Variants in ATP2B3 observed in about 807,000 individuals in gnomAD.
ATP2B3 encodes plasma membrane calcium-transporting ATPase 3.
A neutral mutation model predicts 70.8 loss-of-function variants in ATP2B3; 12 were observed. The observed-to-expected ratio is 0.17, with a 90% CI of 0.11 to 0.27. The LOEUF (loss-of-function observed/expected upper bound fraction) is 0.27, where lower values mean the gene tolerates loss of function less well. ATP2B3 is among the 10% of genes least tolerant of loss of function. The pLI, the probability that ATP2B3 is intolerant of heterozygous loss-of-function variation, is 1.00. For synonymous variants in ATP2B3, 460 were observed against 497.8 expected, an observed-to-expected ratio of 0.92 and a Z score of 1.01; for missense variants, 858 against 1,118.5, an observed-to-expected ratio of 0.77 and a Z score of 3.32.
chrX:153,550,346 G>C (rs1436198798), intron 12 of ATP2B3, 60 bp downstream of exon 12: 2 of 1,193,790 alleles, frequency 1.7e-6, no homozygotes, highest in African/African-American at 3.5e-5. Flanking sequence ...TATTGTCGTG[G>C]TAAAAGAGGC....
chrX:153,562,017 G>A (rs2090632982), intron 19 of ATP2B3, 118 bp from the exon 20 acceptor site: 4 of 629,013 alleles, frequency 6.4e-6, no homozygotes, highest in South Asian at 4.5e-5. Flanking sequence ...CTCTCGCAAG[G>A]AGCAGCCCGT....
chrX:153,571,209 C>A (rs1207863163), intron 21 of ATP2B3, among the ~76,000 whole-genome samples: 2 of 112,573 alleles, frequency 1.8e-5, no homozygotes, highest in Admixed American at 1.9e-4. Context: ...CGCCACTCCA[C>A]CCAGAGAGGC....
chrX:153,538,480 G>T (rs1421109147), intron 3 of ATP2B3, among the ~76,000 whole-genome samples: 2 of 113,174 alleles, frequency 1.8e-5, no homozygotes, highest in Non-Finnish European at 3.8e-5. Context: ...CGCTGCTGTT[G>T]TCAGGAAACC....
rs1342973009 is a variant in ATP2B3, at chrX:153,582,544, C to T, written c.*2246C>T. The T allele has an allele frequency of 8.9e-6, 1 of 112,808 alleles. No individual in the cohort carries two copies. Among genetic ancestry groups the T allele is most frequent in the African/African-American group, 3.2e-5 (1 of 30,988 alleles). The allele number at this position is 112,808 out of a possible 1,213,427, so 9.3% of individuals were successfully genotyped here. On this transcript the variant is annotated 3_prime_UTR_variant, in exon 22 of 22. Transcript: ENST00000263519. ...AATAGATATTAAAAGCAAACCCTCA[C>T]TGCTGCTGTATAAAGTTGCCTAATG... is the stretch of plus-strand genomic sequence containing the variant.
intron 21 of ATP2B3, among the ~76,000 whole-genome samples, chrX:153,575,706 G>A (rs781856905): frequency 2.9e-4 from 33 of 112,410 alleles, no homozygotes; most frequent in Admixed American, 2.1e-3. Flanking sequence ...GTCTGGAGCC[G>A]GAGCCGAGAG....
intron 21 of ATP2B3, among the ~76,000 whole-genome samples, chrX:153,567,008 C>T (rs950279783): frequency 8.9e-6 from 1 of 112,550 alleles, no homozygotes; most frequent in African/African-American, 3.2e-5. Flanking sequence ...AACCGGGAGG[C>T]GAGGCTGGCA....
intron 2 of ATP2B3, among the ~76,000 whole-genome samples, chrX:153,524,648 T>C (rs1382723075): frequency 8.9e-6 from 1 of 111,820 alleles, no homozygotes; most frequent in East Asian, 2.8e-4. Flanking sequence ...CCCTGGCTCA[T>C]TTGCACGCAC....
chrX:153,554,856 A>G (rs1264224447), intron 13 of ATP2B3, among the ~76,000 whole-genome samples: 3 of 112,031 alleles, frequency 2.7e-5, no homozygotes, highest in African/African-American at 6.5e-5. Flanking sequence ...GCGAGGAAGG[A>G]CAGCCTGGCC....
intron 3 of ATP2B3, among the ~76,000 whole-genome samples, chrX:153,540,419 A>G (rs1046361639): frequency 1.8e-5 from 2 of 111,726 alleles, no homozygotes; most frequent in Admixed American, 1.9e-4. Context: ...CTCGCGTGAC[A>G]CCGTTCTTCT....
In ATP2B3 at chrX:153,517,731, A is replaced by AG. The variant is rs1477328914; in HGVS notation, c.-388dup. On this transcript the variant is annotated 5_prime_UTR_variant, in exon 1 of 22. Coordinates refer to ENST00000263519, the MANE Select transcript of ATP2B3 (RefSeq NM_001001344.3). Reference sequence around the variant, plus strand: ...CGGCCGCAGCCCTCGCCCGCCGCAGAGGGTCGCGTCCCGCGCCGCCGGCCA... The same window carrying AG: ...CGGCCGCAGCCCTCGCCCGCCGCAGAGGGGTCGCGTCCCGCGCCGCCGGCCA... The AG allele has an allele frequency of 1.8e-5, 2 of 110,052 alleles. No individual in the cohort carries two copies. The highest frequency in any genetic ancestry group is 6.6e-5 in the African/African-American group (2 of 30,494). The allele number at this position is 110,052 out of a possible 1,213,427, so 9.1% of individuals were successfully genotyped here. A position where few individuals can be genotyped will look rare whatever the true frequency, so the allele number is the denominator to read the frequency against.
At position 153,519,300 on chromosome X, in the gene ATP2B3, G is replaced by A. The variant is rs1041791558; in HGVS notation, c.-127+749G>A. Among the ~76,000 whole-genome samples, 3 of 112,287 alleles carry A rather than the reference G, an allele frequency of 2.7e-5. No homozygotes were observed. In the Admixed American group the frequency reaches 2.8e-4, roughly 11 times the overall value. ...AGAAGGGATTCAGCCCTGAATTGAG[G>A]CCCCTTCCTTCATGAGCAGATGGCT... On this transcript the variant is annotated intron_variant, in intron 2 of 21. Coordinates refer to ENST00000263519, the MANE Select transcript of ATP2B3 (RefSeq NM_001001344.3).
intron 8 of ATP2B3, among the ~76,000 whole-genome samples, chrX:153,546,931 G>A (rs1358113645): frequency 8.9e-6 from 1 of 112,587 alleles, no homozygotes; most frequent in Non-Finnish European, 1.9e-5. Flanking sequence ...GCTGGGTGGG[G>A]CAATTGTGTC....
In ATP2B3 at chrX:153,580,093, C is replaced by T; in HGVS notation, c.3458C>T (p.Thr1153Ile). The T allele has an allele frequency of 8.3e-7, 1 of 1,212,085 alleles. No homozygotes were observed. The highest frequency in any genetic ancestry group is 1.1e-6 in the Non-Finnish European group (1 of 895,575). ...CCCGAGTTTCTGATCAATGACTACA[C>T]CCACAACATCCCGCTCATTGACGAC... ...ATPEFLINDY[T>I]HNIPLIDDTD... The change falls in exon 22 of 22, where the codon ACC becomes ATC. Residue 1153 changes from threonine to isoleucine, a missense_variant. By Grantham distance (89) the Thr-to-Ile change is moderately conservative (BLOSUM62 -1). Coordinates refer to ENST00000263519, the MANE Select transcript of ATP2B3 (RefSeq NM_001001344.3).
intron 21 of ATP2B3, among the ~76,000 whole-genome samples, chrX:153,576,392 A>G (rs1557021397): frequency 8.9e-6 from 1 of 111,825 alleles, no homozygotes. Flanking sequence ...TGTCTGGTAC[A>G]TAGGGTCAGG....
chrX:153,578,150 A>G (rs1455650472), intron 21 of ATP2B3, among the ~76,000 whole-genome samples: 2 of 112,664 alleles, frequency 1.8e-5, no homozygotes, highest in African/African-American at 6.5e-5. Flanking sequence ...TTAAACCAGT[A>G]AAATTTTATT....
chrX:153,553,336 G>C, intron 13 of ATP2B3, 67 bp downstream of exon 13: 1 of 1,009,128 alleles, frequency 9.9e-7, no homozygotes. Context: ...GTCCGGACTG[G>C]TAGGGGCGGC....
intron 2 of ATP2B3, among the ~76,000 whole-genome samples, chrX:153,533,560 C>T (rs1478851843): frequency 9.1e-6 from 1 of 110,490 alleles, no homozygotes; most frequent in Non-Finnish European, 1.9e-5. Flanking sequence ...AGTGGTGACT[C>T]ACAGCAGGGT....
Position 153,553,239 on chromosome X carries a change from C to A in ATP2B3, c.2028C>A (p.Val676=). The part of the protein sequence containing the change: ...EVVGDLTCIA[V]VGIEDPVRPE... Reference sequence around the variant, plus strand: ...TGGGTGACCTCACCTGCATAGCTGTCGTGGGCATTGAGGACCCTGTGCGGC... The same window carrying A: ...TGGGTGACCTCACCTGCATAGCTGTAGTGGGCATTGAGGACCCTGTGCGGC... The change falls in exon 13 of 22, where the codon GTC becomes GTA. Residue 676 remains valine, a synonymous_variant. Transcript: ENST00000263519. 8.3e-7 allele frequency: 1 copy of A among 1,208,443 alleles called. No individual in the cohort carries two copies. Among genetic ancestry groups the A allele is most frequent in the Non-Finnish European group, 1.1e-6 (1 of 893,114 alleles).
intron 21 of ATP2B3, among the ~76,000 whole-genome samples, chrX:153,576,211 A>AACTCC (rs2090855399): frequency 9.0e-6 from 1 of 111,133 alleles, no homozygotes; most frequent in Non-Finnish European, 1.9e-5. Context: ...AGAGCTCGGA[A>AACTCC]ACTCCACCTA....
Sources: gnomAD v4.1 joint callset for allele counts (sites outside exome capture counted in the v4.1 genomes callset) on GRCh38, gnomAD v4.1.1 for gene constraint, MANE v1.5 for transcripts, NCBI Gene and HGNC (gene_info 2026-07-23, HGNC 2026-07-21) for gene names.